AHDC1: variants seen among roughly 807,000 people sequenced by gnomAD.
The protein encoded by AHDC1 is transcription factor Gibbin.
A neutral mutation model predicts 87.9 loss-of-function variants in AHDC1; 7 were observed. The observed-to-expected ratio is 0.08, with a 90% CI of 0.05 to 0.15. The LOEUF is 0.15. Among genes scored for constraint, AHDC1 ranks in the 10% least tolerant of loss-of-function variants. AHDC1 has a pLI of 1.00. For synonymous variants in AHDC1, 1,051 were observed against 1,006.8 expected, an observed-to-expected ratio of 1.04 and a Z score of -0.83; for missense variants, 1,841 against 2,253.2, an observed-to-expected ratio of 0.82 and a Z score of 3.70.
intron 3 of AHDC1, among the ~76,000 whole-genome samples, chr1:27,584,703 G>A (rs571661216): frequency 7.2e-5 from 11 of 152,168 alleles, no homozygotes; most frequent in African/African-American, 2.6e-4. Flanking sequence ...CACTCCTAGC[G>A]AGGCACAGCC....
chr1:27,535,975 GTCC>G (rs1056912440), intron 8 of AHDC1, among the ~76,000 whole-genome samples: 3 of 151,950 alleles, frequency 2.0e-5, no homozygotes, highest in African/African-American at 7.3e-5. Context: ...TCAGACTTCT[GTCC>G]TCCTCTCAGA....
intron 3 of AHDC1, among the ~76,000 whole-genome samples, chr1:27,567,753 G>GC (rs1054203577): frequency 1.3e-5 from 2 of 152,178 alleles, no homozygotes; most frequent in Non-Finnish European, 2.9e-5. Context: ...GCCCAGAACT[G>GC]CCCCTTTGGC....
chr1:27,554,502 T>C (rs1463152236), intron 5 of AHDC1, among the ~76,000 whole-genome samples: 1 of 152,154 alleles, frequency 6.6e-6, no homozygotes, highest in Non-Finnish European at 1.5e-5. Context: ...ATTTACCGAC[T>C]GACTCCCTGA....
chr1:27,548,048 A>G lies in AHDC1; in HGVS notation c.4068T>C (p.Asp1356=). The change falls in exon 8 of 9, where the codon GAT becomes GAC. Residue 1356 remains aspartate (D), a synonymous_variant. Coordinates refer to ENST00000673934, the MANE Select transcript of AHDC1 (RefSeq NM_001371928.1). ...AGTGGAAGCCTTGGCCAAAGGTGCC[A>G]TCGGAAGGCGTGGACGGGTTCATGG... ...PYSMNPSTPS[D]GTFGQGFHCD... The G allele has an allele frequency of 6.2e-7, 1 of 1,612,972 alleles. No homozygotes were observed. The highest frequency in any genetic ancestry group is 1.1e-5 in the South Asian group (1 of 91,076).
chr1:27,604,202 G>A (rs1354712452), upstream of AHDC1: 1 of 151,672 alleles, frequency 6.6e-6, no homozygotes, highest in Non-Finnish European at 1.5e-5. Flanking sequence ...GAGCGCGCGC[G>A]CGGCACGCCG....
At chr1:27,603,945 C>G (rs1162217944) in intron 1 of AHDC1, 82 bp from the exon 2 acceptor site, 1 of 151,622 alleles carries the variant, frequency 6.6e-6, no homozygotes, top group Non-Finnish European at 1.5e-5. Flanking sequence ...TCCCTCCCTC[C>G]CCCTCCTCCC....
At position 27,549,142 on chromosome 1, in the gene AHDC1, A is replaced by G; in HGVS notation, c.2974T>C (p.Cys992Arg). Residue 992 changes from cysteine to arginine, a missense_variant, in exon 8 of 9, where the codon TGC becomes CGC. Physicochemically the swap from Cys to Arg is radical, Grantham distance 180. This residue lies in a region of AHDC1 where 378 missense variants were observed against 399.0 expected (regional missense o/e 0.95). Transcript: ENST00000673934. ...AAGCTGCAGTCCTTGCTGTTAGCGC[A>G]GTCCTGGCCTGTAAAGGGCTTAGTT... Reference protein sequence around the residue: ...APTKPFTGQDCANSKDCSFAY... With the variant: ...APTKPFTGQDRANSKDCSFAY... 6.4e-7 allele frequency: 1 copy of G among 1,554,416 alleles called. No individual in the cohort carries two copies. The highest frequency in any genetic ancestry group is 8.7e-7 in the Non-Finnish European group (1 of 1,148,518).
chr1:27,582,057 C>G (rs1375139676), intron 3 of AHDC1, among the ~76,000 whole-genome samples: 1 of 152,258 alleles, frequency 6.6e-6, no homozygotes, highest in East Asian at 1.9e-4. Context: ...GCCAGACCAG[C>G]AGAAGCTGGC....
chr1:27,575,880 G>A (rs1426303329), intron 3 of AHDC1, among the ~76,000 whole-genome samples: 2 of 136,626 alleles, frequency 1.5e-5, no homozygotes, highest in Non-Finnish European at 3.2e-5. Context: ...GCCCTCTGCT[G>A]CCCGCTGAAT....
chr1:27,602,101 T>C (rs1241116067), intron 3 of AHDC1, among the ~76,000 whole-genome samples: 1 of 151,966 alleles, frequency 6.6e-6, no homozygotes, highest in Non-Finnish European at 1.5e-5. Context: ...TGGGCCCAAA[T>C]TCAGCTGGCC....
intron 3 of AHDC1, among the ~76,000 whole-genome samples, chr1:27,579,389 A>C (rs1186548889): frequency 2.0e-5 from 3 of 152,078 alleles, no homozygotes; most frequent in African/African-American, 7.2e-5. Flanking sequence ...ACCACCCCAC[A>C]CCACCCCACC....
At position 27,547,430 on chromosome 1, in the gene AHDC1, G is replaced by A. The variant is rs750016023; in HGVS notation, c.4686C>T (p.Thr1562=). The change falls in exon 8 of 9, where the codon ACC becomes ACT. Residue 1562 remains threonine, a synonymous_variant. Transcript: ENST00000673934. The surrounding 1 kb of genome is among the most constrained non-coding windows in gnomAD (Gnocchi z 4.9). Reference sequence around the variant, plus strand: ...GCATAAAGCCTGGGTACCTGTAGGCGGTGTCCTGCAGGGGCAGCAGCGAGT... The same window carrying A: ...GCATAAAGCCTGGGTACCTGTAGGCAGTGTCCTGCAGGGGCAGCAGCGAGT... ...PRDSLLPLQD[T]AYRYPGFMPQ... 27 of 1,584,816 alleles carry A rather than the reference G, an allele frequency of 1.7e-5. No individual in the cohort carries two copies. The highest frequency in any genetic ancestry group is 3.4e-5 in the Admixed American group (2 of 58,540).
intron 5 of AHDC1, among the ~76,000 whole-genome samples, chr1:27,553,762 G>A (rs548324846): frequency 2.0e-5 from 3 of 152,060 alleles, no homozygotes; most frequent in Admixed American, 6.5e-5. Context: ...CTACAGCAGC[G>A]CTTAAAAAAA....
chr1:27,593,217 C>T lies in AHDC1; in HGVS notation c.-629+10180G>A, dbSNP rs904662388. On this transcript the variant is annotated intron_variant, in intron 3 of 8. Transcript: ENST00000673934. This position sits in a 1 kb window ranked among gnomAD's most constrained non-coding sequence, Gnocchi z 4.9. The stretch of plus-strand genomic sequence containing the variant: ...GGTGGGGAAGGGGGAGCAGCTCCGT[C>T]CCTCCCCTCCCCCTCCACTCCTCCA... Among the ~76,000 whole-genome samples, 3 of 152,078 alleles carry T rather than the reference C, an allele frequency of 2.0e-5. No homozygotes were observed. The highest frequency in any genetic ancestry group is 4.4e-5 in the Non-Finnish European group (3 of 67,928).
intron 3 of AHDC1, among the ~76,000 whole-genome samples, chr1:27,568,714 G>A (rs890995621): frequency 1.3e-5 from 2 of 151,792 alleles, no homozygotes; most frequent in African/African-American, 4.8e-5. Flanking sequence ...CGGCGCGGGT[G>A]CCCGGGAGGG....
intron 3 of AHDC1, among the ~76,000 whole-genome samples, chr1:27,577,072 C>T (rs945393367): frequency 1.3e-5 from 2 of 152,190 alleles, no homozygotes; most frequent in African/African-American, 4.8e-5. Context: ...CATCCCTCAA[C>T]ATTCTTCCTG....
rs998936169 is a variant in AHDC1, at chr1:27,572,232, C to G, written c.-628-13349G>C. ...GTTAAAAGGTCAATTCACGCCTGTT[C>G]CTGACTTAGGCACCGTGGTAAAATT... On this transcript the variant is annotated intron_variant, in intron 3 of 8. Transcript: ENST00000673934. Among the ~76,000 whole-genome samples, 5 of 152,250 alleles carry G rather than the reference C, an allele frequency of 3.3e-5. No individual in the cohort carries two copies. The East Asian group carries it at 9.7e-4, about 29-fold the overall frequency.
At chr1:27,545,159 T>C (rs1294748148) in intron 8 of AHDC1, among the ~76,000 whole-genome samples, 1 of 151,630 alleles carries the variant, frequency 6.6e-6, no homozygotes, top group Non-Finnish European at 1.5e-5. Context: ...AGCTTTTTTC[T>C]CTTGTACAGT....
At position 27,597,637 on chromosome 1, in the gene AHDC1, A is replaced by T. The variant is rs573875135; in HGVS notation, c.-629+5760T>A. ...TCTCCCTGACCTCTTTAGCAGCTGG[A>T]AACTGAGCCGGGGGTGGAAGGAATG... On this transcript the variant is annotated intron_variant, in intron 3 of 8. Transcript: ENST00000673934. Among the ~76,000 whole-genome samples, 3 of 152,132 alleles carry T rather than the reference A, an allele frequency of 2.0e-5. No individual in the cohort carries two copies. The South Asian group carries it at 6.2e-4, about 32-fold the overall frequency.
Sources: allele counts gnomAD v4.1 joint callset (sites outside exome capture counted in the v4.1 genomes callset), GRCh38; gene constraint gnomAD v4.1.1; regional missense constraint gnomAD v4.1.1; non-coding constraint Gnocchi (gnomAD v3.1); transcripts MANE v1.5; gene names NCBI Gene and HGNC (gene_info 2026-07-23, HGNC 2026-07-21).